RBFOX1: variants seen among roughly 807,000 people sequenced by gnomAD.
The protein encoded by RBFOX1 is RNA binding protein fox-1 homolog 1.
RBFOX1 carries 8 observed loss-of-function variants against 57.7 expected under a neutral mutation model. That is an observed-to-expected ratio of 0.14 (90% CI 0.08 to 0.25). The LOEUF is 0.25. RBFOX1 is among the 10% of genes least tolerant of loss of function. RBFOX1 has a pLI of 1.00. For missense variants in RBFOX1, 611 were observed against 548.5 expected, an observed-to-expected ratio of 1.11 and a Z score of -1.14; for synonymous variants, 326 against 222.4, an observed-to-expected ratio of 1.47 and a Z score of -4.15.
chr16:6,099,779 A>G lies in RBFOX1; in HGVS notation c.-127+79787A>G, dbSNP rs148891070. ...ACTTTTACGAAATAAGACAAATAAA[A>G]TAAACCCTAACCCAACTCCGGGCAT... On this transcript the variant is annotated intron_variant, in intron 1 of 15. Transcript: ENST00000550418. Among the ~76,000 whole-genome samples, 394 of 152,328 alleles carry G rather than the reference A, an allele frequency of 2.6e-3. 3 individuals carry two copies. The highest frequency in any genetic ancestry group is 9.0e-3 in the African/African-American group (376 of 41,568).
chr16:5,670,654 C>T (rs572790967), intron 3 of RBFOX1, among the ~76,000 whole-genome samples: 1 of 152,330 alleles, frequency 6.6e-6, no homozygotes, highest in Non-Finnish European at 1.5e-5. Flanking sequence ...CCTTTTTACT[C>T]ATGTGCGGTT....
chr16:7,120,263 C>T (rs1342653492), intron 4 of RBFOX1, among the ~76,000 whole-genome samples: 3 of 149,678 alleles, frequency 2.0e-5, no homozygotes, highest in Admixed American at 6.6e-5. Context: ...AATGTAAGTG[C>T]ATATCATAAG....
At chr16:6,839,023 C>G (rs559519246) in intron 3 of RBFOX1, among the ~76,000 whole-genome samples, 1 of 151,524 alleles carries the variant, frequency 6.6e-6, no homozygotes, top group Non-Finnish European at 1.5e-5. Flanking sequence ...CTTGCTCTGT[C>G]GACGAGGCTG....
At chr16:5,955,394 AATAAAATAAAAT>A (rs1319997417) in intron 4 of RBFOX1, among the ~76,000 whole-genome samples, 1,848 of 77,212 alleles carry the variant, frequency 0.024, 130 homozygotes, top group African/African-American at 0.076. Flanking sequence ...AATAAAATAA[AATAAAATAAAAT>A]AAAATAAAAG....
intron 4 of RBFOX1, among the ~76,000 whole-genome samples, chr16:7,333,545 A>T (rs2096730736): frequency 6.6e-6 from 1 of 152,212 alleles, no homozygotes; most frequent in African/African-American, 2.4e-5. Flanking sequence ...TTTTCAGAGA[A>T]GGCTCTCCCC....
chr16:7,215,760 T>C (rs904685194), intron 4 of RBFOX1, among the ~76,000 whole-genome samples: 5 of 148,404 alleles, frequency 3.4e-5, no homozygotes, highest in Admixed American at 1.4e-4. Context: ...AGTCTTGCTC[T>C]GTTGTCCAGG....
intron 4 of RBFOX1, among the ~76,000 whole-genome samples, chr16:7,416,311 A>C (rs1033434021): frequency 1.5e-4 from 23 of 152,202 alleles, no homozygotes; most frequent in African/African-American, 4.1e-4. Context: ...CTCTGAGCTT[A>C]CGGACAAGTC....
chr16:6,661,275 C>A (rs142179686), intron 3 of RBFOX1, among the ~76,000 whole-genome samples: 4 of 152,126 alleles, frequency 2.6e-5, no homozygotes, highest in Admixed American at 2.6e-4. Flanking sequence ...GAAAGAGCTC[C>A]CATGTGCCTA....
intron 4 of RBFOX1, among the ~76,000 whole-genome samples, chr16:7,343,451 C>T (rs2096935552): frequency 6.6e-6 from 1 of 152,138 alleles, no homozygotes; most frequent in Non-Finnish European, 1.5e-5. Context: ...TATTGACCAA[C>T]AGTACAAGGG....
At chr16:7,638,685 T>C (rs113834081) in intron 11 of RBFOX1, among the ~76,000 whole-genome samples, 1 of 152,334 alleles carries the variant, frequency 6.6e-6, no homozygotes, top group African/African-American at 2.4e-5. Flanking sequence ...GCGACTCAAC[T>C]CTTGTTATAG....
intron 4 of RBFOX1, among the ~76,000 whole-genome samples, chr16:6,012,508 A>G (rs2094967476): frequency 1.3e-5 from 2 of 152,226 alleles, no homozygotes; most frequent in South Asian, 2.1e-4. Flanking sequence ...ATACTGCTGA[A>G]TATCCCACAG....
chr16:6,062,675 A>G (rs1180004417), intron 1 of RBFOX1, among the ~76,000 whole-genome samples: 1 of 146,896 alleles, frequency 6.8e-6, no homozygotes, highest in African/African-American at 2.5e-5. Flanking sequence ...ATAGATATAT[A>G]TCTATATATG....
chr16:6,952,880 CAGG>C (rs1199036371), intron 3 of RBFOX1, among the ~76,000 whole-genome samples: 1 of 151,876 alleles, frequency 6.6e-6, no homozygotes, highest in Non-Finnish European at 1.5e-5. Context: ...GAGGCTGAGG[CAGG>C]AGAAGGGCTT....
intron 3 of RBFOX1, among the ~76,000 whole-genome samples, chr16:6,726,201 G>A (rs756839064): frequency 1.4e-4 from 22 of 151,934 alleles, no homozygotes; most frequent in Non-Finnish European, 4.4e-5. Flanking sequence ...GATCTCACCC[G>A]TTTGCTCTAG....
At chr16:7,397,555 A>G (rs1029378963) in intron 4 of RBFOX1, among the ~76,000 whole-genome samples, 26 of 152,162 alleles carry the variant, frequency 1.7e-4, no homozygotes, top group African/African-American at 6.3e-4. Flanking sequence ...CTGAACTTTG[A>G]AAGTCAGTAC....
At chr16:6,122,357 AAC>A (rs61531585) in intron 1 of RBFOX1, among the ~76,000 whole-genome samples, 60,029 of 145,032 alleles carry the variant, frequency 0.41, 12,571 homozygotes, top group East Asian at 0.52. Flanking sequence ...CTAAAAGATA[AAC>A]ACACACACAC....
chr16:6,877,340 C>G (rs186389065), intron 3 of RBFOX1, among the ~76,000 whole-genome samples: 13 of 152,282 alleles, frequency 8.5e-5, no homozygotes, highest in Admixed American at 2.6e-4. Flanking sequence ...ATCTTTACTT[C>G]CCTTTAGCAG....
intron 3 of RBFOX1, among the ~76,000 whole-genome samples, chr16:6,948,692 C>T (rs975420758): frequency 1.3e-5 from 2 of 152,058 alleles, no homozygotes; most frequent in African/African-American, 2.4e-5. Context: ...TTGTGTCAGT[C>T]TTATCAGAAA....
intron 9 of RBFOX1, among the ~76,000 whole-genome samples, chr16:7,597,656 A>C (rs377404051): frequency 3.9e-5 from 6 of 152,204 alleles, no homozygotes; most frequent in Admixed American, 1.3e-4. Flanking sequence ...CCTTCTTTCT[A>C]GAATAACTCT....
Sources: gnomAD v4.1 joint callset for allele counts (sites outside exome capture counted in the v4.1 genomes callset) on GRCh38, gnomAD v4.1.1 for gene constraint, MANE v1.5 for transcripts, NCBI Gene and HGNC (gene_info 2026-07-23, HGNC 2026-07-21) for gene names.